Variants in CADPS2 observed in about 807,000 individuals in gnomAD.
The protein encoded by CADPS2 is calcium dependent secretion activator 2.
A neutral mutation model predicts 172.5 loss-of-function variants in CADPS2; 93 were observed. The observed-to-expected ratio is 0.54, with a 90% CI of 0.46 to 0.64. CADPS2 has a LOEUF of 0.64. Ranked by LOEUF, CADPS2 falls within the 30% of genes least tolerant of loss-of-function variation. CADPS2 has a pLI of 0.00. For synonymous variants in CADPS2, 546 were observed against 555.2 expected (o/e 0.98, Z 0.23); for missense variants, 1,420 against 1,565.9 (o/e 0.91, Z 1.57).
At chr7:122,677,735 G>C (rs1365553964) in intron 2 of CADPS2, among the ~76,000 whole-genome samples, 1 of 152,112 alleles carries the variant, frequency 6.6e-6, no homozygotes, top group East Asian at 1.9e-4. Context: ...GAAGAGTCAA[G>C]ATTTAAGCCC....
At chr7:122,710,200 T>A (rs1251856786) in intron 2 of CADPS2, among the ~76,000 whole-genome samples, 2 of 151,784 alleles carry the variant, frequency 1.3e-5, no homozygotes, top group African/African-American at 4.8e-5. Flanking sequence ...TAACTCTGAG[T>A]GAGTTCCCAG....
intron 27 of CADPS2, among the ~76,000 whole-genome samples, chr7:122,355,837 A>G (rs1389151210): frequency 6.6e-6 from 1 of 152,212 alleles, no homozygotes; most frequent in African/African-American, 2.4e-5. Flanking sequence ...GTAATGCCCA[A>G]GGTCATACAG....
At chr7:122,685,698 G>T (rs998498880) in intron 2 of CADPS2, among the ~76,000 whole-genome samples, 1 of 152,076 alleles carries the variant, frequency 6.6e-6, no homozygotes, top group Admixed American at 6.5e-5. Flanking sequence ...GACATTTATT[G>T]TATTTTCTTC....
chr7:122,420,104 C>T (rs1207165469), intron 17 of CADPS2, among the ~76,000 whole-genome samples: 2 of 152,174 alleles, frequency 1.3e-5, no homozygotes, highest in Non-Finnish European at 2.9e-5. Flanking sequence ...AAAATCTTAC[C>T]TCTGATGTCA....
At chr7:122,741,565 CTCTGTG>C (rs1409171195) in intron 1 of CADPS2, among the ~76,000 whole-genome samples, 1 of 152,122 alleles carries the variant, frequency 6.6e-6, no homozygotes, top group Non-Finnish European at 1.5e-5. Context: ...CTTACCTTGA[CTCTGTG>C]TCTATTTTTT....
At chr7:122,780,371 A>G (rs1269979777) in intron 1 of CADPS2, among the ~76,000 whole-genome samples, 1 of 152,158 alleles carries the variant, frequency 6.6e-6, no homozygotes, top group East Asian at 1.9e-4. Flanking sequence ...AATTCTAGAG[A>G]TATAAATATG....
intron 2 of CADPS2, among the ~76,000 whole-genome samples, chr7:122,707,059 G>A (rs1174278710): frequency 6.6e-6 from 1 of 151,664 alleles, no homozygotes; most frequent in African/African-American, 2.4e-5. Flanking sequence ...GTTACTAAGG[G>A]GAAAGACATG....
At chr7:122,465,964 TTTGA>T (rs1235119412) in intron 14 of CADPS2, among the ~76,000 whole-genome samples, 1 of 152,206 alleles carries the variant, frequency 6.6e-6, no homozygotes, top group Non-Finnish European at 1.5e-5. Context: ...TAGAGCTTTC[TTTGA>T]TTGTTTCTAC....
intron 9 of CADPS2, among the ~76,000 whole-genome samples, chr7:122,504,209 C>A (rs1425339608): frequency 6.6e-6 from 1 of 152,018 alleles, no homozygotes; most frequent in Non-Finnish European, 1.5e-5. Context: ...CAATAATAGA[C>A]CTTACAGGAT....
intron 2 of CADPS2, chr7:122,702,393 C>T (rs761894494): frequency 1.9e-6 from 3 of 1,613,812 alleles, no homozygotes; most frequent in Non-Finnish European, 2.5e-6. Flanking sequence ...CCCTTCTCTG[C>T]TGCCACGTTG....
chr7:122,768,150 TA>T (rs1351224050), intron 1 of CADPS2, among the ~76,000 whole-genome samples: 1 of 152,166 alleles, frequency 6.6e-6, no homozygotes, highest in African/African-American at 2.4e-5. Flanking sequence ...TCAAGTTACT[TA>T]ATCAAGGACT....
At chr7:122,702,748 C>G in intron 2 of CADPS2, 1 of 1,593,024 alleles carries the variant, frequency 6.3e-7, no homozygotes, top group Non-Finnish European at 8.6e-7. Flanking sequence ...TAAGGAAGCT[C>G]ATGCCTCCAT....
chr7:122,495,364 C>T (rs941031986), intron 9 of CADPS2, among the ~76,000 whole-genome samples: 4 of 152,090 alleles, frequency 2.6e-5, no homozygotes, highest in African/African-American at 7.2e-5. Context: ...ATTTCCATGA[C>T]GTTTTGAAAT....
intron 28 of CADPS2, among the ~76,000 whole-genome samples, chr7:122,326,200 AT>A (rs144929090): frequency 0.021 from 3,143 of 152,164 alleles, 104 homozygotes; most frequent in African/African-American, 0.072. Context: ...AGGAAGAAAC[AT>A]TATCAAGATT....
intron 1 of CADPS2, among the ~76,000 whole-genome samples, chr7:122,757,959 T>C (rs911468157): frequency 6.6e-6 from 1 of 152,110 alleles, no homozygotes; most frequent in Non-Finnish European, 1.5e-5. Flanking sequence ...ATTATAACTC[T>C]AGCTACGATT....
chr7:122,847,554 A>C (rs962010577), intron 1 of CADPS2, among the ~76,000 whole-genome samples: 4 of 152,122 alleles, frequency 2.6e-5, no homozygotes, highest in Admixed American at 2.0e-4. Flanking sequence ...TTTGTTATAT[A>C]AAAATGGCCA....
intron 7 of CADPS2, among the ~76,000 whole-genome samples, chr7:122,561,397 T>C (rs985943821): frequency 3.3e-5 from 5 of 152,078 alleles, no homozygotes; most frequent in Non-Finnish European, 5.9e-5. Flanking sequence ...AAAAACAAAG[T>C]ATTATCCTAA....
intron 29 of CADPS2, among the ~76,000 whole-genome samples, chr7:122,323,876 TATATATATATA>T (rs1563065533): frequency 0.07 from 1,249 of 17,762 alleles, 21 homozygotes; most frequent in Non-Finnish European, 0.11. Context: ...GTATATTTTA[TATATATATATA>T]TATATATATA....
intron 2 of CADPS2, among the ~76,000 whole-genome samples, chr7:122,700,227 CG>C (rs1462450422): frequency 1.3e-5 from 2 of 152,138 alleles, no homozygotes; most frequent in African/African-American, 4.8e-5. Context: ...GGTCTACATA[CG>C]TAAAGTGCTA....
Sources: allele counts gnomAD v4.1 joint callset (sites outside exome capture counted in the v4.1 genomes callset), GRCh38; gene constraint gnomAD v4.1.1; transcripts MANE v1.5; gene names NCBI Gene and HGNC (gene_info 2026-07-23, HGNC 2026-07-21).